The following PSMB7 variants were observed in gnomAD, a reference collection of about 807,000 sequenced individuals.
PSMB7 encodes proteasome subunit beta type-7.
In PSMB7, 5 loss-of-function variants were observed where a neutral mutation model predicts 28.1. The observed-to-expected ratio is 0.18, with a 90% CI of 0.09 to 0.37. The LOEUF (loss-of-function observed/expected upper bound fraction) is 0.37, where lower values mean the gene tolerates loss of function less well. Among genes scored for constraint, PSMB7 ranks in the 10% least tolerant of loss-of-function variants. The pLI is 1.00. For missense variants in PSMB7, 275 were observed against 346.2 expected, an observed-to-expected ratio of 0.79 and a Z score of 1.63; for synonymous variants, 122 against 123.7, an observed-to-expected ratio of 0.99 and a Z score of 0.09.
chr9:124,377,765 G>A (rs989955150), intron 6 of PSMB7, among the ~76,000 whole-genome samples: 6 of 152,214 alleles, frequency 3.9e-5, no homozygotes, highest in African/African-American at 9.7e-5. Flanking sequence ...CTGAAGTGGC[G>A]CTTGTATACG....
chr9:124,387,976 A>C (rs1564681619), intron 5 of PSMB7, among the ~76,000 whole-genome samples: 1 of 152,214 alleles, frequency 6.6e-6, no homozygotes, highest in Admixed American at 6.5e-5. Flanking sequence ...TCCAACATCC[A>C]AAACTACATA....
Position 124,357,013 on chromosome 9 carries a change from C to T in PSMB7, c.571-98G>A, listed in dbSNP as rs1424366618. On this transcript the variant is annotated intron_variant, in intron 6 of 7. Transcript: ENST00000259457. Reference sequence around the variant, plus strand: ...CACTAGCAGTGCGCAAGACCTCCCGCGAGACAGGTGTTGTTTTTAATGCCC... The same window carrying T: ...CACTAGCAGTGCGCAAGACCTCCCGTGAGACAGGTGTTGTTTTTAATGCCC... 19 of 1,313,866 alleles carry T rather than the reference C, an allele frequency of 1.4e-5. 1 individual carries two copies. Among genetic ancestry groups the T allele is most frequent in the South Asian group, 8.4e-5 (6 of 71,724 alleles). 81.4% of individuals were successfully genotyped at this position (1,313,866 alleles called of 1,614,324 possible).
At chr9:124,413,089 G>A (rs1831046360) in intron 3 of PSMB7, among the ~76,000 whole-genome samples, 1 of 144,100 alleles carries the variant, frequency 6.9e-6, no homozygotes, top group African/African-American at 2.6e-5. Context: ...ACCCAGGCGG[G>A]AGGATCACTT....
In PSMB7 at chr9:124,398,761, T is replaced by C. The variant is rs191330502; in HGVS notation, c.511+6556A>G. ...GGATGATAAAATCACAGCAGCTGTG[T>C]TGTACTGGGGCTTGCCAGAGATGGA... On this transcript the variant is annotated intron_variant, in intron 5 of 7. Coordinates refer to ENST00000259457, the MANE Select transcript of PSMB7 (RefSeq NM_002799.4). Among the ~76,000 whole-genome samples, 155 of 152,238 alleles carry C rather than the reference T, an allele frequency of 1.0e-3. 1 individual carries two copies. The highest frequency in any genetic ancestry group is 3.5e-3 in the African/African-American group (145 of 41,546).
At chr9:124,380,146 C>A (rs532468894) in intron 6 of PSMB7, among the ~76,000 whole-genome samples, 1 of 152,222 alleles carries the variant, frequency 6.6e-6, no homozygotes, top group Non-Finnish European at 1.5e-5. Flanking sequence ...AGCCAGTGCA[C>A]GCTATATTCA....
At chr9:124,386,146 TA>T (rs200787837) in intron 5 of PSMB7, among the ~76,000 whole-genome samples, 577 of 123,236 alleles carry the variant, frequency 4.7e-3, no homozygotes, top group Middle Eastern at 0.021. Flanking sequence ...TTTTTCTCCT[TA>T]AAAAAAAAAA....
chr9:124,402,844 TCTAAAATTA>T (rs1243282578), intron 5 of PSMB7, among the ~76,000 whole-genome samples: 1 of 152,146 alleles, frequency 6.6e-6, no homozygotes, highest in Non-Finnish European at 1.5e-5. Flanking sequence ...TCAGAACAAT[TCTAAAATTA>T]CCATAAGTAT....
intron 7 of PSMB7, among the ~76,000 whole-genome samples, chr9:124,354,831 G>A (rs758246617): frequency 2.6e-5 from 4 of 152,190 alleles, no homozygotes; most frequent in Admixed American, 2.0e-4. Flanking sequence ...TGACTCCTCT[G>A]AACCACCCCT....
intron 5 of PSMB7, among the ~76,000 whole-genome samples, chr9:124,387,338 C>T (rs1830735077): frequency 6.6e-6 from 1 of 152,166 alleles, no homozygotes; most frequent in Admixed American, 6.5e-5. Context: ...ACACTAAACC[C>T]ACAGACTCTT....
chr9:124,363,588 T>C (rs925726914), intron 6 of PSMB7, among the ~76,000 whole-genome samples: 10 of 152,128 alleles, frequency 6.6e-5, no homozygotes. Flanking sequence ...TGTGAACACC[T>C]AGGAATTCAG....
chr9:124,394,277 TG>T (rs1184639334), intron 5 of PSMB7, among the ~76,000 whole-genome samples: 3 of 152,238 alleles, frequency 2.0e-5, no homozygotes, highest in Admixed American at 1.3e-4. Flanking sequence ...AAAAGCCTTC[TG>T]ATGGCTAAGA....
At chr9:124,379,471 CACTCA>C (rs1475130283) in intron 6 of PSMB7, among the ~76,000 whole-genome samples, 1 of 152,142 alleles carries the variant, frequency 6.6e-6, no homozygotes, top group African/African-American at 2.4e-5. Flanking sequence ...ATTAGAAGAC[CACTCA>C]AGGTAGCGTT....
At chr9:124,364,347 G>C (rs1564676049) in intron 6 of PSMB7, among the ~76,000 whole-genome samples, 1 of 152,030 alleles carries the variant, frequency 6.6e-6, no homozygotes, top group Non-Finnish European at 1.5e-5. Context: ...GCGGGCAAGT[G>C]GTTTTGCTGG....
At chr9:124,386,470 T>C (rs1249794233) in intron 5 of PSMB7, among the ~76,000 whole-genome samples, 1 of 152,270 alleles carries the variant, frequency 6.6e-6, no homozygotes, top group East Asian at 1.9e-4. Flanking sequence ...CAAGCTGGTT[T>C]TGTGTGGAAA....
chr9:124,363,592 A>C (rs1384568273), intron 6 of PSMB7, among the ~76,000 whole-genome samples: 1 of 152,176 alleles, frequency 6.6e-6, no homozygotes, highest in African/African-American at 2.4e-5. Flanking sequence ...AACACCTAGG[A>C]ATTCAGCAGA....
intron 4 of PSMB7, 126 bp downstream of exon 4, chr9:124,412,226 C>A: frequency 9.7e-7 from 1 of 1,033,098 alleles, no homozygotes; most frequent in Non-Finnish European, 1.4e-6. Context: ...AATATAACAA[C>A]TGATTTCCGG....
chr9:124,356,721 C>T lies in PSMB7; in HGVS notation c.722+43G>A, dbSNP rs758155357. ...GCCATGGAGATACCAAGGGTGGCCA[C>T]GACGCCAGGGGACCCAGGAAGAACT... On this transcript the variant is annotated intron_variant, in intron 7 of 7. Coordinates refer to ENST00000259457, the MANE Select transcript of PSMB7 (RefSeq NM_002799.4). The surrounding 1 kb of genome is among the most constrained non-coding windows in gnomAD (Gnocchi z 4.4). 36 of 1,588,956 alleles carry T rather than the reference C, an allele frequency of 2.3e-5. No homozygotes were observed. In the Admixed American group the frequency reaches 3.5e-4, roughly 15 times the overall value.
Position 124,415,401 on chromosome 9 carries a change from G to A in PSMB7, c.25C>T (p.Pro9Ser), listed in dbSNP as rs774224061. ...TCAAAAGAGAAGCCTCCAACTGGTGGAGCATACACCGACACAGCCGCCATC... is the reference window on the plus strand; with the variant it reads ...TCAAAAGAGAAGCCTCCAACTGGTGAAGCATACACCGACACAGCCGCCATC... The part of the protein sequence containing the change: MAAVSVYA[P>S]PVGGFSFDNC... Residue 9 changes from proline to serine, a missense_variant, in exon 1 of 8, where the codon CCA becomes TCA. Transcript: ENST00000259457. The A allele has an allele frequency of 1.2e-6, 2 of 1,614,130 alleles. No homozygotes were observed. The highest frequency in any genetic ancestry group is 1.7e-6 in the Non-Finnish European group (2 of 1,180,014).
At chr9:124,391,979 C>T (rs1490098585) in intron 5 of PSMB7, among the ~76,000 whole-genome samples, 1 of 152,174 alleles carries the variant, frequency 6.6e-6, no homozygotes, top group Non-Finnish European at 1.5e-5. Context: ...CTAGGAAGGA[C>T]CTGAAAGGTA....
Sources: allele counts gnomAD v4.1 joint callset (sites outside exome capture counted in the v4.1 genomes callset), GRCh38; gene constraint gnomAD v4.1.1; non-coding constraint Gnocchi (gnomAD v3.1); transcripts MANE v1.5; gene names NCBI Gene and HGNC (gene_info 2026-07-23, HGNC 2026-07-21).